IQSEC1: variants seen among roughly 807,000 people sequenced by gnomAD.
IQSEC1 encodes the protein IQ motif and Sec7 domain ArfGEF 1.
In IQSEC1, 31 loss-of-function variants were observed where a neutral mutation model predicts 91.0. The observed-to-expected ratio is 0.34, with a 90% CI of 0.26 to 0.46. The LOEUF is 0.46. IQSEC1 is among the 20% of genes least tolerant of loss of function. IQSEC1 has a pLI of 1.00. For synonymous variants in IQSEC1, 699 were observed against 662.6 expected, an observed-to-expected ratio of 1.05 and a Z score of -0.84; for missense variants, 1,388 against 1,575.6, an observed-to-expected ratio of 0.88 and a Z score of 2.02.
At chr3:13,274,642 A>G (rs956496088) in intron 1 of IQSEC1, among the ~76,000 whole-genome samples, 3 of 152,220 alleles carry the variant, frequency 2.0e-5, no homozygotes, top group Non-Finnish European at 4.4e-5. Context: ...AGACGTGAAC[A>G]GCAACTTTCT....
Position 13,282,549 on chromosome 3 carries a change from T to C in IQSEC1, c.272+162A>G, listed in dbSNP as rs538576139. ...TCTGGGCGGCGACCCCGCCAGAGAATCCCAGGGAGCCCCTGGGGGTCTGGC... is the reference window on the plus strand; with the variant it reads ...TCTGGGCGGCGACCCCGCCAGAGAACCCCAGGGAGCCCCTGGGGGTCTGGC... On this transcript the variant is annotated intron_variant, in intron 1 of 15. Coordinates refer to the IQSEC1 transcript ENST00000648114. The surrounding 1 kb of genome is among the most constrained non-coding windows in gnomAD (Gnocchi z 6.4). 6.6e-6 allele frequency among the ~76,000 whole-genome samples: 1 copy of C among 151,376 alleles called. No homozygotes were observed. Among genetic ancestry groups the C allele is most frequent in the Admixed American group, 6.5e-5 (1 of 15,268 alleles).
At chr3:13,249,102 C>G (rs1695152193) in intron 1 of IQSEC1, among the ~76,000 whole-genome samples, 1 of 151,312 alleles carries the variant, frequency 6.6e-6, no homozygotes, top group African/African-American at 2.4e-5. Flanking sequence ...CTCTACCTCT[C>G]AAAGGGTGGG....
At chr3:13,251,997 T>C (rs933367731) in intron 1 of IQSEC1, among the ~76,000 whole-genome samples, 4 of 152,220 alleles carry the variant, frequency 2.6e-5, no homozygotes, top group African/African-American at 9.6e-5. Flanking sequence ...GTGCTCACTA[T>C]GCCCCACATA....
intron 1 of IQSEC1, among the ~76,000 whole-genome samples, chr3:12,984,097 C>T (rs914336012): frequency 1.3e-5 from 2 of 152,158 alleles, no homozygotes; most frequent in African/African-American, 2.4e-5. Context: ...CATCCTCCAG[C>T]CCCCAAGGTC....
intron 1 of IQSEC1, among the ~76,000 whole-genome samples, chr3:13,271,269 C>G (rs965746378): frequency 6.6e-6 from 1 of 151,840 alleles, no homozygotes; most frequent in African/African-American, 2.4e-5. Context: ...CCCAGCTACT[C>G]GGGAGGCTGA....
At chr3:13,048,287 T>C (rs1199640270) in intron 1 of IQSEC1, among the ~76,000 whole-genome samples, 1 of 152,230 alleles carries the variant, frequency 6.6e-6, no homozygotes, top group Non-Finnish European at 1.5e-5. Flanking sequence ...ACATTCTGTG[T>C]CTTCAGGGCG....
chr3:12,958,909 T>C (rs542955522), intron 1 of IQSEC1, among the ~76,000 whole-genome samples: 25 of 152,304 alleles, frequency 1.6e-4, no homozygotes, highest in African/African-American at 4.8e-4. Context: ...CACCGGGTGA[T>C]GATGACAAAG....
At chr3:13,170,096 G>A (rs1693579524) in intron 1 of IQSEC1, among the ~76,000 whole-genome samples, 1 of 152,202 alleles carries the variant, frequency 6.6e-6, no homozygotes, top group Non-Finnish European at 1.5e-5. Flanking sequence ...GGTTTTGTGG[G>A]CCAGGCCCAG....
Position 12,899,290 on chromosome 3 carries a change from ACGCGGCCCCGCGGC to A in IQSEC1, c.*1679_*1692del. 1.5e-6 allele frequency: 2 copies of A among 1,330,132 alleles called. No individual in the cohort carries two copies. The highest frequency in any genetic ancestry group is 2.1e-6 in the Non-Finnish European group (2 of 949,958). 82.4% of individuals were successfully genotyped at this position (1,330,132 alleles called of 1,614,324 possible). On this transcript the variant is annotated 3_prime_UTR_variant, in exon 14 of 14. Coordinates refer to ENST00000613206, the MANE Select transcript of IQSEC1 (RefSeq NM_001134382.3). ...CGGCTCACCACGCTGTCCACTGGGA[ACGCGGCCCCGCGGC>A]CCGCAGAGTCAGGCGTGAGCTTCGC...
intron 2 of IQSEC1, among the ~76,000 whole-genome samples, chr3:13,112,724 G>A (rs760937923): frequency 3.0e-4 from 46 of 152,184 alleles, no homozygotes; most frequent in Non-Finnish European, 4.9e-4. Flanking sequence ...TTGGGTACGG[G>A]GGCGAGCAGG....
At chr3:13,107,457 G>A (rs1365620404) in intron 2 of IQSEC1, among the ~76,000 whole-genome samples, 1 of 152,158 alleles carries the variant, frequency 6.6e-6, no homozygotes, top group African/African-American at 2.4e-5. Flanking sequence ...ACCAGTTCTG[G>A]CAAGTGTCAT....
intron 1 of IQSEC1, among the ~76,000 whole-genome samples, chr3:13,249,655 T>C (rs1352539339): frequency 6.6e-6 from 1 of 152,138 alleles, no homozygotes; most frequent in Non-Finnish European, 1.5e-5. Context: ...TGTGTGACCC[T>C]AGGCAAACCA....
At chr3:12,902,634 A>C in intron 13 of IQSEC1, 139 bp downstream of exon 13, 3 of 639,182 alleles carry the variant, frequency 4.7e-6, no homozygotes, top group Non-Finnish European at 5.4e-6. Context: ...CAGTAGGGGA[A>C]GGAAAAGCCA....
intron 1 of IQSEC1, among the ~76,000 whole-genome samples, chr3:13,166,284 G>A (rs1232941800): frequency 4.6e-5 from 7 of 152,226 alleles, no homozygotes; most frequent in Admixed American, 4.6e-4. Context: ...AGGACCACGT[G>A]AAGCTCTCTA....
Position 12,994,715 on chromosome 3 carries a change from C to T in IQSEC1, c.24-52850G>A, listed in dbSNP as rs1702155775. Among the ~76,000 whole-genome samples the T allele has an allele frequency of 6.6e-6, 1 of 152,198 alleles. No homozygotes were observed. The highest frequency in any genetic ancestry group is 1.5e-5 in the Non-Finnish European group (1 of 68,024). ...AGAGGCGCACAGCTGCACCACGCTCCTCCGCGTCCCCTCCAGGACACACCC... is the reference window on the plus strand; with the variant it reads ...AGAGGCGCACAGCTGCACCACGCTCTTCCGCGTCCCCTCCAGGACACACCC... On this transcript the variant is annotated intron_variant, in intron 1 of 13. Coordinates refer to ENST00000613206, the MANE Select transcript of IQSEC1 (RefSeq NM_001134382.3). This position sits in a 1 kb window ranked among gnomAD's most constrained non-coding sequence, Gnocchi z 4.5.
At chr3:12,907,048 G>A (rs559358893) in intron 12 of IQSEC1, among the ~76,000 whole-genome samples, 1 of 152,312 alleles carries the variant, frequency 6.6e-6, no homozygotes, top group South Asian at 2.1e-4. Context: ...CTGGCAACCA[G>A]TAGTAGAGGC....
chr3:13,152,175 G>A (rs1029481231), intron 2 of IQSEC1, among the ~76,000 whole-genome samples: 2 of 152,112 alleles, frequency 1.3e-5, no homozygotes, highest in African/African-American at 4.8e-5. Flanking sequence ...CTTGGAAAAC[G>A]TATGCGGCAA....
intron 1 of IQSEC1, among the ~76,000 whole-genome samples, chr3:13,046,806 A>G (rs1043757144): frequency 2.0e-5 from 3 of 152,108 alleles, no homozygotes; most frequent in Non-Finnish European, 2.9e-5. Context: ...CTCCTCCCCA[A>G]TTCACATCGA....
chr3:12,992,544 G>A lies in IQSEC1; in HGVS notation c.24-50679C>T, dbSNP rs1225860552. On this transcript the variant is annotated intron_variant, in intron 1 of 13. Coordinates refer to ENST00000613206, the MANE Select transcript of IQSEC1 (RefSeq NM_001134382.3). The surrounding 1 kb of genome is among the most constrained non-coding windows in gnomAD (Gnocchi z 4.1). ...TCACCTTAATTCAGAATTGTTCAGA[G>A]GGGGCTGCACAGGCCAATGTGTCCA... Among the ~76,000 whole-genome samples the A allele has an allele frequency of 6.6e-6, 1 of 152,198 alleles. No homozygotes were observed. Among genetic ancestry groups the A allele is most frequent in the Non-Finnish European group, 1.5e-5 (1 of 68,030 alleles).
Sources: allele counts gnomAD v4.1 joint callset (sites outside exome capture counted in the v4.1 genomes callset), GRCh38; gene constraint gnomAD v4.1.1; non-coding constraint Gnocchi (gnomAD v3.1); transcripts MANE v1.5; gene names NCBI Gene and HGNC (gene_info 2026-07-23, HGNC 2026-07-21).